FAM76B: variants seen among roughly 807,000 people sequenced by gnomAD.
FAM76B encodes family with sequence similarity 76 member B.
Under a neutral mutation model 51.8 loss-of-function variants are expected in FAM76B, and 16 were observed. The ratio of observed to expected loss-of-function variants is 0.31; its 90% CI spans 0.21 to 0.47. FAM76B has a LOEUF of 0.47. Among genes scored for constraint, FAM76B ranks in the 20% least tolerant of loss-of-function variants. The probability of loss-of-function intolerance (pLI) is 1.00; values close to 1 mark genes in which losing one functional copy is unlikely to be tolerated. For synonymous variants in FAM76B, 166 were observed against 129.5 expected (o/e 1.28, Z -1.91); for missense variants, 342 against 392.6 (o/e 0.87, Z 1.09).
At chr11:95,789,200 T>A in intron 1 of FAM76B, 192 bp downstream of exon 1, 2 of 968,418 alleles carry the variant, frequency 2.1e-6, no homozygotes, top group Admixed American at 2.9e-5. Flanking sequence ...CGATTCTGCC[T>A]CCCTTTCAGG....
intron 8 of FAM76B, among the ~76,000 whole-genome samples, chr11:95,777,838 T>C (rs1044593447): frequency 6.6e-6 from 1 of 151,428 alleles, no homozygotes; most frequent in African/African-American, 2.4e-5. Context: ...TAAGGCCTTA[T>C]TCTTTTAAAA....
chr11:95,778,803 C>T lies in FAM76B; in HGVS notation c.828+19G>A. On this transcript the variant is annotated intron_variant, in intron 8 of 9. Transcript: ENST00000358780. ...TCAACACATAACTCTTACCAGGCTT[C>T]AATGAACCATGTTCTTACCTTTTTA... 1 of 1,580,768 alleles carries T rather than the reference C, an allele frequency of 6.3e-7. No homozygotes were observed. The highest frequency in any genetic ancestry group is 1.2e-5 in the South Asian group (1 of 85,100).
chr11:95,771,733 G>A, intron 9 of FAM76B, 83 bp from the exon 10 acceptor site: 1 of 1,044,724 alleles, frequency 9.6e-7, no homozygotes, highest in Non-Finnish European at 1.4e-6. Flanking sequence ...ATTTAATACT[G>A]TTTTCATTTA....
chr11:95,787,730 T>C lies in FAM76B; in HGVS notation c.153-52A>G, dbSNP rs1049689506. On this transcript the variant is annotated intron_variant, in intron 2 of 9. Coordinates refer to ENST00000358780, the MANE Select transcript of FAM76B (RefSeq NM_144664.5). ...TGTTTATGTAGCTTTCTAAAGTAAT[T>C]AGCACAATGTCAAAATAAAATGAGT... 2.0e-5 allele frequency: 28 copies of C among 1,407,566 alleles called. No individual in the cohort carries two copies. The African/African-American group carries it at 2.0e-4, about 10-fold the overall frequency. The allele number at this position is 1,407,566 out of a possible 1,614,324, so 87.2% of individuals were successfully genotyped here. A position where few individuals can be genotyped will look rare whatever the true frequency, so the allele number is the denominator to read the frequency against.
chr11:95,771,674 G>T (rs770552232), intron 9 of FAM76B, 24 bp from the exon 10 acceptor site: 60 of 1,556,038 alleles, frequency 3.9e-5, no homozygotes, highest in Non-Finnish European at 5.0e-5. Flanking sequence ...AAACATTCAA[G>T]ATTAAAAATG....
chr11:95,776,872 A>T (rs181311097), intron 8 of FAM76B, among the ~76,000 whole-genome samples: 1 of 151,274 alleles, frequency 6.6e-6, no homozygotes, highest in Non-Finnish European at 1.5e-5. Context: ...AGTATCTAAT[A>T]AACTGAAAGA....
At chr11:95,787,599 A>C in intron 3 of FAM76B, 25 bp downstream of exon 3, 1 of 1,601,816 alleles carries the variant, frequency 6.2e-7, no homozygotes, top group Non-Finnish European at 8.5e-7. Context: ...GGTAACAATG[A>C]CATGAAAACA....
At chr11:95,779,073 T>G in intron 7 of FAM76B, 116 bp from the exon 8 acceptor site, 1 of 1,591,118 alleles carries the variant, frequency 6.3e-7, no homozygotes, top group Non-Finnish European at 8.5e-7. Flanking sequence ...CAAAAAAATA[T>G]GTACCTGACA....
Position 95,789,524 on chromosome 11 carries a change from G to C in FAM76B, c.-46C>G. 5.2e-6 allele frequency: 8 copies of C among 1,529,512 alleles called. No individual in the cohort carries two copies. The highest frequency in any genetic ancestry group is 7.1e-6 in the Non-Finnish European group (8 of 1,128,950). 94.7% of individuals were successfully genotyped at this position (1,529,512 alleles called of 1,614,324 possible). ...TCCGCCGCCGCCCGCTCCGAGGCGG[G>C]GCCCTACGGAGAACCCGAGAGCCGC... On this transcript the variant is annotated 5_prime_UTR_variant, in exon 1 of 10. Transcript: ENST00000358780.
chr11:95,784,279 G>A (rs1300606823), intron 4 of FAM76B, among the ~76,000 whole-genome samples: 1 of 152,016 alleles, frequency 6.6e-6, no homozygotes, highest in Non-Finnish European at 1.5e-5. Context: ...ACACATTAGG[G>A]CCTATCAGAT....
chr11:95,788,676 G>A (rs1372204649), intron 1 of FAM76B, 113 bp from the exon 2 acceptor site: 2 of 1,251,156 alleles, frequency 1.6e-6, no homozygotes, highest in African/African-American at 1.5e-5. Flanking sequence ...TATAAAACCT[G>A]GCCCCAACGT....
chr11:95,784,681 G>A (rs558977516), intron 4 of FAM76B, among the ~76,000 whole-genome samples: 12 of 151,222 alleles, frequency 7.9e-5, no homozygotes, highest in African/African-American at 2.2e-4. Flanking sequence ...TCCGCCTCCC[G>A]GGTTCACGCC....
chr11:95,778,487 TAC>T (rs1555037109), intron 8 of FAM76B, among the ~76,000 whole-genome samples: 1 of 151,622 alleles, frequency 6.6e-6, no homozygotes, highest in Non-Finnish European at 1.5e-5. Flanking sequence ...CTGTTCAAAC[TAC>T]ATTCTTAAAT....
intron 4 of FAM76B, among the ~76,000 whole-genome samples, chr11:95,784,201 C>T (rs1173546396): frequency 6.6e-6 from 1 of 152,070 alleles, no homozygotes; most frequent in African/African-American, 2.4e-5. Flanking sequence ...AAAACCAAAT[C>T]CTGCATGTTC....
intron 6 of FAM76B, 56 bp from the exon 7 acceptor site, chr11:95,779,743 G>A (rs1860173073): frequency 6.3e-7 from 1 of 1,580,694 alleles, no homozygotes; most frequent in Non-Finnish European, 8.6e-7. Context: ...GAAACCAAAT[G>A]ATAAGTTATT....
At chr11:95,785,228 G>A (rs997626404) in intron 4 of FAM76B, among the ~76,000 whole-genome samples, 1 of 152,142 alleles carries the variant, frequency 6.6e-6, no homozygotes, top group Admixed American at 6.5e-5. Flanking sequence ...TCATAGGCAC[G>A]TATGTACAGG....
intron 1 of FAM76B, 27 bp downstream of exon 1, chr11:95,789,365 C>A (rs1403040728): frequency 1.3e-6 from 2 of 1,570,966 alleles, no homozygotes; most frequent in Admixed American, 3.7e-5. Flanking sequence ...GGACACCCAT[C>A]CCGCCCGCCT....
chr11:95,776,855 A>G (rs1196860521), intron 8 of FAM76B, among the ~76,000 whole-genome samples: 1 of 151,212 alleles, frequency 6.6e-6, no homozygotes, highest in Non-Finnish European at 1.5e-5. Flanking sequence ...CTCCTTTGTA[A>G]TTACCCAGTA....
intron 5 of FAM76B, 77 bp downstream of exon 5, chr11:95,782,988 T>C (rs1642471898): frequency 1.3e-6 from 2 of 1,550,506 alleles, no homozygotes; most frequent in Non-Finnish European, 1.8e-6. Flanking sequence ...TAGTCAATAT[T>C]TGCAAGAAGT....
Sources: gnomAD v4.1 joint callset for allele counts (sites outside exome capture counted in the v4.1 genomes callset) on GRCh38, gnomAD v4.1.1 for gene constraint, MANE v1.5 for transcripts, NCBI Gene and HGNC (gene_info 2026-07-23, HGNC 2026-07-21) for gene names.